Variants in ATP11B observed in about 807,000 individuals in gnomAD.
The protein encoded by ATP11B is phospholipid-transporting ATPase IF.
A neutral mutation model predicts 157.8 loss-of-function variants in ATP11B; 81 were observed. The ratio of observed to expected loss-of-function variants is 0.51; its 90% confidence interval spans 0.43 to 0.62. The LOEUF (loss-of-function observed/expected upper bound fraction) is 0.62, where lower values mean the gene tolerates loss of function less well. ATP11B is among the 20% of genes least tolerant of loss of function. ATP11B has a pLI of 0.00. For synonymous variants in ATP11B, 451 were observed against 469.4 expected, an observed-to-expected ratio of 0.96 and a Z score of 0.51; for missense variants, 1,165 against 1,402.2, an observed-to-expected ratio of 0.83 and a Z score of 2.70.
intron 25 of ATP11B, among the ~76,000 whole-genome samples, chr3:182,891,166 G>A (rs1159335767): frequency 6.6e-6 from 1 of 152,168 alleles, no homozygotes; most frequent in African/African-American, 2.4e-5. Context: ...GAGTGAGTAT[G>A]CTCACTTCCA....
chr3:182,869,566 A>G (rs1371910313), intron 17 of ATP11B, among the ~76,000 whole-genome samples: 3 of 152,198 alleles, frequency 2.0e-5, no homozygotes, highest in African/African-American at 7.2e-5. Context: ...TACTCAAACT[A>G]TGCTATTTTA....
In ATP11B at chr3:182,865,698, A is replaced by G; in HGVS notation, c.1443A>G (p.Leu481=). The G allele has an allele frequency of 1.3e-6, 2 of 1,597,462 alleles. No individual in the cohort carries two copies. The highest frequency in any genetic ancestry group is 1.7e-6 in the Non-Finnish European group (2 of 1,173,460). ...FRTSPENETE[L]IKEHDLFFKA... ...CCAGTCCTGAAAATGAAACTGAACT[A>G]GTAAGTAATTTTTAAATTAATAAAT... Residue 481 remains leucine (L), a splice_region_variant and synonymous_variant, in exon 13 of 30, where the codon CTA becomes CTG. Transcript: ENST00000323116.
At chr3:182,899,003 A>G (rs1216384061) in intron 28 of ATP11B, among the ~76,000 whole-genome samples, 1 of 152,018 alleles carries the variant, frequency 6.6e-6, no homozygotes, top group Non-Finnish European at 1.5e-5. Context: ...TGTGTTGTTA[A>G]TAAAACTTTA....
intron 7 of ATP11B, among the ~76,000 whole-genome samples, chr3:182,838,786 T>A (rs1206066734): frequency 2.2e-5 from 3 of 136,908 alleles, no homozygotes; most frequent in South Asian, 2.1e-4. Context: ...TGCTATATAT[T>A]ATATATATAT....
chr3:182,845,069 A>G (rs543312132), intron 8 of ATP11B, among the ~76,000 whole-genome samples: 49 of 148,654 alleles, frequency 3.3e-4, no homozygotes, highest in African/African-American at 1.2e-3. Context: ...CAGTGGCGCA[A>G]TCTCGGCTCA....
rs143142976 is a variant in ATP11B at position 182,822,194 on chromosome 3, G to A, written c.144+1818G>A. ...GCAGGTTTGTTACATATGTATACATGTGCCATATTGGTGTGCTTCACCCAT... is the reference window on the plus strand; with the variant it reads ...GCAGGTTTGTTACATATGTATACATATGCCATATTGGTGTGCTTCACCCAT... On this transcript the variant is annotated intron_variant, in intron 2 of 29. Coordinates refer to ENST00000323116, the MANE Select transcript of ATP11B (RefSeq NM_014616.3). Among the ~76,000 whole-genome samples, 433 of 151,518 alleles carry A rather than the reference G, an allele frequency of 2.9e-3. 3 individuals carry two copies. The highest frequency in any genetic ancestry group is 0.01 in the Middle Eastern group (3 of 292).
chr3:182,918,032 T>G lies in ATP11B; in HGVS notation c.3462T>G (p.Ser1154Arg). The G allele has an allele frequency of 2.5e-6, 4 of 1,612,896 alleles. No individual in the cohort carries two copies. The highest frequency in any genetic ancestry group is 3.4e-6 in the Non-Finnish European group (4 of 1,179,300). The change falls in exon 30 of 30, where the codon AGT becomes AGG. Residue 1154 changes from serine to arginine, a missense_variant. Coordinates refer to ENST00000323116, the MANE Select transcript of ATP11B (RefSeq NM_014616.3). ...CTTATTGTTACTTTAGATCATGGAG[T>G]GCATCGGATCCTTTCTATACCAACG... is the stretch of plus-strand genomic sequence containing the variant. ...CSPTHISRSWSASDPFYTNDR... is the reference protein window; with the variant it reads ...CSPTHISRSWRASDPFYTNDR...
chr3:182,804,476 G>C (rs757011923), intron 1 of ATP11B, among the ~76,000 whole-genome samples: 1 of 152,102 alleles, frequency 6.6e-6, no homozygotes, highest in East Asian at 1.9e-4. Flanking sequence ...CTCGTGATCC[G>C]CTCGCCTTGG....
At position 182,820,272 on chromosome 3, in the gene ATP11B, C is replaced by G. The variant is rs776599975; in HGVS notation, c.40C>G (p.Pro14Ala). Residue 14 changes from proline (P) to alanine (A), a missense_variant, in exon 2 of 30, where the codon CCA becomes GCA. This residue lies in a region of ATP11B where 91 missense variants were observed against 95.8 expected (regional missense o/e 0.95). Transcript: ENST00000323116. ...WIRQQLGFDPPHQSDTRTIYV... is the reference protein window; with the variant it reads ...WIRQQLGFDPAHQSDTRTIYV... ...TGATTGGTCTTAGGGTTTTGACCCACCACATCAGAGTGACACAAGAACCAT... is the reference window on the plus strand; with the variant it reads ...TGATTGGTCTTAGGGTTTTGACCCAGCACATCAGAGTGACACAAGAACCAT... 21 of 1,613,356 alleles carry G rather than the reference C, an allele frequency of 1.3e-5. No individual in the cohort carries two copies. The East Asian group carries it at 4.7e-4, about 36-fold the overall frequency.
chr3:182,819,355 G>A (rs764666997), intron 1 of ATP11B, among the ~76,000 whole-genome samples: 1 of 152,186 alleles, frequency 6.6e-6, no homozygotes, highest in Non-Finnish European at 1.5e-5. Flanking sequence ...ACAGGCATAA[G>A]CCAGCGCGCC....
intron 29 of ATP11B, chr3:182,917,571 T>C: frequency 1.0e-6 from 1 of 985,340 alleles, no homozygotes; most frequent in Non-Finnish European, 1.2e-6. Context: ...GTCTTTAGAA[T>C]AGGATTTATA....
chr3:182,915,455 A>G, intron 29 of ATP11B: 2 of 985,222 alleles, frequency 2.0e-6, no homozygotes, highest in Non-Finnish European at 2.4e-6. Flanking sequence ...AAATTTCCCA[A>G]AGAGCTTGAT....
intron 28 of ATP11B, among the ~76,000 whole-genome samples, chr3:182,912,211 A>G (rs1339364971): frequency 1.3e-5 from 2 of 152,156 alleles, no homozygotes; most frequent in Non-Finnish European, 2.9e-5. Context: ...CTAAACCAGC[A>G]TTTCCTAAAC....
chr3:182,901,743 G>C (rs753067144), intron 28 of ATP11B, among the ~76,000 whole-genome samples: 1 of 152,116 alleles, frequency 6.6e-6, no homozygotes, highest in Non-Finnish European at 1.5e-5. Context: ...GGAATACATA[G>C]GAAATATTTG....
intron 21 of ATP11B, 51 bp from the exon 22 acceptor site, chr3:182,884,699 TATC>T: frequency 6.6e-7 from 1 of 1,511,296 alleles, no homozygotes; most frequent in East Asian, 2.3e-5. Flanking sequence ...TTTGCAGATT[TATC>T]ATGAAAATTA....
chr3:182,804,113 A>G (rs1466846667), intron 1 of ATP11B, among the ~76,000 whole-genome samples: 1 of 150,780 alleles, frequency 6.6e-6, no homozygotes, highest in Non-Finnish European at 1.5e-5. Context: ...GTTTCTTCAT[A>G]TTTTTTCCCT....
In ATP11B at chr3:182,919,279, C is replaced by G. The variant is rs940352650; in HGVS notation, c.*1175C>G. The G allele has an allele frequency of 1.3e-5, 2 of 152,476 alleles. No homozygotes were observed. Among genetic ancestry groups the G allele is most frequent in the African/African-American group, 4.8e-5 (2 of 41,388 alleles). The allele number at this position is 152,476 out of a possible 1,614,324, so 9.4% of individuals were successfully genotyped here. ...AATACAGTGAGTTCTGCCAGTGTCCCAGTACAAGGCATATTTCAGGTGTGG... is the reference window on the plus strand; with the variant it reads ...AATACAGTGAGTTCTGCCAGTGTCCGAGTACAAGGCATATTTCAGGTGTGG... On this transcript the variant is annotated 3_prime_UTR_variant, in exon 30 of 30. Transcript: ENST00000323116.
intron 28 of ATP11B, among the ~76,000 whole-genome samples, chr3:182,910,927 T>C (rs1313478728): frequency 6.6e-6 from 1 of 152,208 alleles, no homozygotes; most frequent in African/African-American, 2.4e-5. Flanking sequence ...TATAGGAAAA[T>C]TAAATCTAAA....
Position 182,912,798 on chromosome 3 carries a change from C to G in ATP11B, c.3319-1063C>G, listed in dbSNP as rs562021131. Reference sequence around the variant, plus strand: ...CCTGCACCCAGCACATGGTGATTCCCAACCTTCGTGGAAGTGCAGCCCTGT... The same window carrying G: ...CCTGCACCCAGCACATGGTGATTCCGAACCTTCGTGGAAGTGCAGCCCTGT... On this transcript the variant is annotated intron_variant, in intron 28 of 29. Transcript: ENST00000323116. Among the ~76,000 whole-genome samples, 26 of 152,322 alleles carry G rather than the reference C, an allele frequency of 1.7e-4. 2 individuals are homozygous for G. The highest frequency in any genetic ancestry group is 5.8e-4 in the African/African-American group (24 of 41,566).
Sources: gnomAD v4.1 joint callset for allele counts (sites outside exome capture counted in the v4.1 genomes callset) on GRCh38, gnomAD v4.1.1 for gene constraint, gnomAD v4.1.1 regional missense constraint, MANE v1.5 for transcripts, NCBI Gene and HGNC (gene_info 2026-07-23, HGNC 2026-07-21) for gene names.